Variants in LIMCH1 observed in about 807,000 individuals in gnomAD.
LIMCH1 encodes LIM and calponin homology domains-containing protein 1.
LIMCH1 carries 113 observed loss-of-function variants against 176.5 expected under a neutral mutation model. The observed-to-expected ratio is 0.64, with a 90% CI of 0.55 to 0.75. LIMCH1 has a LOEUF of 0.75. LIMCH1 is among the 30% of genes least tolerant of loss of function. The pLI is 0.00. For synonymous variants in LIMCH1, 619 were observed against 645.9 expected (o/e 0.96, Z 0.63); for missense variants, 1,674 against 1,814.9 (o/e 0.92, Z 1.41).
At chr4:41,432,972 A>G (rs1344384238) in intron 1 of LIMCH1, among the ~76,000 whole-genome samples, 1 of 152,206 alleles carries the variant, frequency 6.6e-6, no homozygotes, top group African/African-American at 2.4e-5. Context: ...ACACTTAACA[A>G]TCGGCATTAT....
chr4:41,522,958 A>G (rs892041506), intron 2 of LIMCH1, among the ~76,000 whole-genome samples: 3 of 152,340 alleles, frequency 2.0e-5, no homozygotes, highest in African/African-American at 7.2e-5. Flanking sequence ...GCAAAACAGC[A>G]CTTGTGCACT....
intron 1 of LIMCH1, among the ~76,000 whole-genome samples, chr4:41,458,790 AAAAAAT>A (rs1561436907): frequency 6.6e-6 from 1 of 151,530 alleles, no homozygotes; most frequent in African/African-American, 2.4e-5. Context: ...AAAAAAAAAA[AAAAAAT>A]AGATTGTGAG....
chr4:41,692,222 A>G, intron 30 of LIMCH1, 60 bp from the exon 31 acceptor site: 5 of 954,526 alleles, frequency 5.2e-6, no homozygotes, highest in Non-Finnish European at 3.4e-6. Context: ...ACAGTAACTA[A>G]GCATTAGAAA....
At position 41,493,754 on chromosome 4, in the gene LIMCH1, A is replaced by T. The variant is rs141281041; in HGVS notation, c.97-782A>T. 5.6e-4 allele frequency among the ~76,000 whole-genome samples: 86 copies of T among 152,330 alleles called. 1 individual carries two copies. The highest frequency in any genetic ancestry group is 1.9e-3 in the African/African-American group (80 of 41,572). On this transcript the variant is annotated intron_variant, in intron 1 of 26. Coordinates refer to the LIMCH1 transcript ENST00000313860. ...TACATATTTCCTGAATGAACACATG[A>T]ACAAATGTCTCCCTGGTGCCTAGGC...
At chr4:41,531,356 A>G (rs2077261694) in intron 3 of LIMCH1, among the ~76,000 whole-genome samples, 1 of 151,992 alleles carries the variant, frequency 6.6e-6, no homozygotes, top group African/African-American at 2.4e-5. Context: ...TGATCATAGG[A>G]AAGCATTAGA....
intron 1 of LIMCH1, among the ~76,000 whole-genome samples, chr4:41,379,390 T>G (rs1324039855): frequency 6.6e-6 from 1 of 152,128 alleles, no homozygotes; most frequent in Non-Finnish European, 1.5e-5. Flanking sequence ...AGTGAATGAT[T>G]CAGGAGAGCA....
chr4:41,607,617 G>A (rs543717793), intron 4 of LIMCH1, among the ~76,000 whole-genome samples: 2 of 152,306 alleles, frequency 1.3e-5, no homozygotes, highest in African/African-American at 2.4e-5. Context: ...GATTCTGTTG[G>A]AATCTGATTT....
chr4:41,474,219 T>C (rs868265783), intron 1 of LIMCH1, among the ~76,000 whole-genome samples: 4 of 149,616 alleles, frequency 2.7e-5, no homozygotes, highest in Admixed American at 2.7e-4. Context: ...TCAGGCGCGG[T>C]GGCTCACGCC....
chr4:41,552,558 G>A (rs998567303), intron 1 of LIMCH1, among the ~76,000 whole-genome samples: 8 of 152,056 alleles, frequency 5.3e-5, no homozygotes, highest in African/African-American at 1.9e-4. Context: ...CTTGCTTCTT[G>A]TTCTCCTAGG....
In LIMCH1 at chr4:41,375,863, G is replaced by A. The variant is rs557683709; in HGVS notation, c.96+14927G>A. On this transcript the variant is annotated intron_variant, in intron 1 of 26. Coordinates refer to the LIMCH1 transcript ENST00000313860. ...TTAGGTGGAGTCAGGATACTTGAAA[G>A]CTCACAGGTTACTTTGCTAATTCTT... 1.1e-4 allele frequency among the ~76,000 whole-genome samples: 17 copies of A among 152,350 alleles called. No individual in the cohort carries two copies. In the South Asian group the frequency reaches 3.5e-3, roughly 32 times the overall value.
At chr4:41,550,007 T>C (rs1014403967) in intron 1 of LIMCH1, among the ~76,000 whole-genome samples, 2 of 151,804 alleles carry the variant, frequency 1.3e-5, no homozygotes, top group African/African-American at 4.8e-5. Flanking sequence ...TTAAAAATAA[T>C]GGCAAAATAA....
chr4:41,553,736 C>A (rs1480218716), intron 1 of LIMCH1, among the ~76,000 whole-genome samples: 2 of 152,078 alleles, frequency 1.3e-5, no homozygotes, highest in Non-Finnish European at 2.9e-5. Context: ...CTGGTGGTGA[C>A]CTCTGATGAA....
At chr4:41,398,157 T>G (rs1194898379) in intron 1 of LIMCH1, among the ~76,000 whole-genome samples, 1 of 148,690 alleles carries the variant, frequency 6.7e-6, no homozygotes, top group Non-Finnish European at 1.5e-5. Context: ...TTTATCCCAT[T>G]CATTTATTAA....
intron 1 of LIMCH1, among the ~76,000 whole-genome samples, chr4:41,421,860 A>C (rs1239499590): frequency 1.3e-5 from 2 of 152,166 alleles, no homozygotes; most frequent in Non-Finnish European, 2.9e-5. Flanking sequence ...AGATGGGTGG[A>C]TCACTTGAGC....
chr4:41,360,790 C>G lies in LIMCH1; in HGVS notation c.-51C>G, dbSNP rs1405964824. ...GGGGAGCGCGCTCCTGCGGCGGCGA[C>G]GGCGGCGGCCGTCCTCATCCCGGCG... On this transcript the variant is annotated 5_prime_UTR_variant, in exon 1 of 27. Coordinates refer to the LIMCH1 transcript ENST00000313860. The surrounding 1 kb of genome is among the most constrained non-coding windows in gnomAD (Gnocchi z 4.5). 8 of 1,404,510 alleles carry G rather than the reference C, an allele frequency of 5.7e-6. No individual in the cohort carries two copies. Among genetic ancestry groups the G allele is most frequent in the Non-Finnish European group, 6.7e-6 (7 of 1,045,574 alleles). The allele number at this position is 1,404,510 out of a possible 1,614,324, so 87.0% of individuals were successfully genotyped here.
intron 5 of LIMCH1, among the ~76,000 whole-genome samples, chr4:41,616,557 A>G (rs1424305726): frequency 1.7e-4 from 26 of 150,366 alleles, no homozygotes. Flanking sequence ...ATAATAAAAT[A>G]AAGAAAATCA....
chr4:41,587,484 C>T (rs1475118988), intron 1 of LIMCH1, among the ~76,000 whole-genome samples: 4 of 152,032 alleles, frequency 2.6e-5, no homozygotes, highest in African/African-American at 7.2e-5. Flanking sequence ...ACTAGAGGTT[C>T]GTGTGGAAGA....
intron 5 of LIMCH1, among the ~76,000 whole-genome samples, chr4:41,615,781 T>C (rs1049069909): frequency 3.3e-5 from 5 of 152,222 alleles, no homozygotes; most frequent in African/African-American, 1.2e-4. Flanking sequence ...TCACAATCAA[T>C]TGGGGAATAT....
chr4:41,629,074 T>C (rs897515136), intron 8 of LIMCH1, among the ~76,000 whole-genome samples: 4 of 152,230 alleles, frequency 2.6e-5, no homozygotes, highest in African/African-American at 9.6e-5. Flanking sequence ...GAGCTCATTA[T>C]GAACATTTTA....
Sources: gnomAD v4.1 joint callset for allele counts (sites outside exome capture counted in the v4.1 genomes callset) on GRCh38, gnomAD v4.1.1 for gene constraint, Gnocchi (gnomAD v3.1) non-coding constraint, MANE v1.5 for transcripts, NCBI Gene and HGNC (gene_info 2026-07-23, HGNC 2026-07-21) for gene names.